The following MAP4K4 variants were observed in gnomAD, a reference collection of about 807,000 sequenced individuals.
MAP4K4 encodes HPK/GCK-like kinase HGK.
MAP4K4 carries 38 observed loss-of-function variants against 189.6 expected under a neutral mutation model. The observed-to-expected ratio is 0.20, with a 90% CI of 0.15 to 0.26. The LOEUF (loss-of-function observed/expected upper bound fraction) is 0.26, where lower values mean the gene tolerates loss of function less well. MAP4K4 is among the 10% of genes least tolerant of loss of function. The pLI, the probability that MAP4K4 is intolerant of heterozygous loss-of-function variation, is 1.00. For synonymous variants in MAP4K4, 610 were observed against 624.3 expected (o/e 0.98, Z 0.34); for missense variants, 1,054 against 1,726.9 (o/e 0.61, Z 6.91).
intron 28 of MAP4K4, among the ~76,000 whole-genome samples, chr2:101,884,515 G>A (rs2098453922): frequency 6.6e-6 from 1 of 152,174 alleles, no homozygotes; most frequent in Non-Finnish European, 1.5e-5. Flanking sequence ...ATCAAGTAGC[G>A]GTGTGATGTT....
intron 2 of MAP4K4, among the ~76,000 whole-genome samples, chr2:101,730,661 A>C (rs527932031): frequency 3.0e-4 from 46 of 152,328 alleles, no homozygotes; most frequent in African/African-American, 1.1e-3. Flanking sequence ...ACATGGCTTC[A>C]GTAGGGTTAA....
In MAP4K4 at chr2:101,871,526, TGA is replaced by T; in HGVS notation, c.2797_2798del (p.Ser933GlnfsTer50). On this transcript the variant is annotated frameshift_variant, in exon 24 of 33. Transcript: ENST00000324219. LOFTEE classifies it high-confidence loss of function. ...TTGACCAAAAGCGTGCCAGCCATCATGAGAGCAATGGCTTTGCCGGTCGCATT... is the reference window on the plus strand; with the variant it reads ...TTGACCAAAAGCGTGCCAGCCATCATGAGCAATGGCTTTGCCGGTCGCATT... 1.3e-6 allele frequency: 2 copies of T among 1,536,064 alleles called. No individual in the cohort carries two copies. Among genetic ancestry groups the T allele is most frequent in the South Asian group, 2.4e-5 (2 of 84,046 alleles).
intron 2 of MAP4K4, among the ~76,000 whole-genome samples, chr2:101,769,393 G>T (rs776289316): frequency 3.3e-5 from 5 of 152,076 alleles, no homozygotes; most frequent in Non-Finnish European, 5.9e-5. Context: ...GGATGGAAGT[G>T]GTCATAACAG....
At chr2:101,843,048 C>T (rs566695235) in intron 11 of MAP4K4, among the ~76,000 whole-genome samples, 2 of 152,292 alleles carry the variant, frequency 1.3e-5, no homozygotes, top group African/African-American at 4.8e-5. Flanking sequence ...AAAGAATTGT[C>T]CCGCCCATGG....
chr2:101,770,950 G>T (rs1185458087), intron 2 of MAP4K4, among the ~76,000 whole-genome samples: 2 of 152,220 alleles, frequency 1.3e-5, no homozygotes, highest in Non-Finnish European at 2.9e-5. Context: ...TCTACCAGCT[G>T]TGTAGGCTCT....
intron 3 of MAP4K4, among the ~76,000 whole-genome samples, chr2:101,805,603 A>G (rs1483182453): frequency 6.6e-6 from 1 of 152,236 alleles, no homozygotes; most frequent in Non-Finnish European, 1.5e-5. Context: ...GTGATGGATA[A>G]GAGATGCTGA....
At chr2:101,873,554 A>G (rs1033701459) in intron 24 of MAP4K4, 93 bp from the exon 25 acceptor site, 4 of 698,938 alleles carry the variant, frequency 5.7e-6, no homozygotes, top group Non-Finnish European at 9.9e-6. Context: ...GTATTGGGAA[A>G]TAGTGCAATA....
chr2:101,712,289 G>C (rs1237663815), intron 2 of MAP4K4, among the ~76,000 whole-genome samples: 2 of 151,940 alleles, frequency 1.3e-5, no homozygotes, highest in Non-Finnish European at 2.9e-5. Context: ...CTGCCTCCCG[G>C]GTTCAAGTGA....
intron 3 of MAP4K4, among the ~76,000 whole-genome samples, chr2:101,822,060 A>G (rs1253542108): frequency 5.9e-5 from 9 of 152,290 alleles, no homozygotes; most frequent in East Asian, 1.9e-4. Context: ...TATAATAACA[A>G]TGCCTTCTTA....
chr2:101,753,095 A>G (rs1288888544), intron 2 of MAP4K4, among the ~76,000 whole-genome samples: 2 of 152,176 alleles, frequency 1.3e-5, no homozygotes, highest in African/African-American at 4.8e-5. Flanking sequence ...ATCTCATTTA[A>G]TCTCTCAAAT....
At chr2:101,801,039 A>G (rs894898424) in intron 3 of MAP4K4, among the ~76,000 whole-genome samples, 1 of 152,056 alleles carries the variant, frequency 6.6e-6, no homozygotes, top group African/African-American at 2.4e-5. Flanking sequence ...TGTTTTTTTT[A>G]AAAAAATGGA....
chr2:101,845,202 GA>G lies in MAP4K4; in HGVS notation c.1233+893del, dbSNP rs767420737. Among the ~76,000 whole-genome samples the G allele has an allele frequency of 6.7e-4, 100 of 148,296 alleles. 1 individual carries two copies. The highest frequency in any genetic ancestry group is 7.3e-4 in the Non-Finnish European group (49 of 66,676). ...AAAAATAAAAATAAAAAAAAAAACC[GA>G]ACACACACGCACACACGGTAAGGGA... On this transcript the variant is annotated intron_variant, in intron 12 of 32. Coordinates refer to ENST00000324219, the Ensembl canonical transcript of MAP4K4.
intron 3 of MAP4K4, among the ~76,000 whole-genome samples, chr2:101,795,577 A>T (rs2148885397): frequency 6.6e-6 from 1 of 152,294 alleles, no homozygotes; most frequent in South Asian, 2.1e-4. Flanking sequence ...GTTTTCTGGA[A>T]CAAGTAGATA....
At chr2:101,842,715 T>C in intron 11 of MAP4K4, 34 bp downstream of exon 11, 1 of 1,542,988 alleles carries the variant, frequency 6.5e-7, no homozygotes, top group South Asian at 1.2e-5. Context: ...TATCCTGCTT[T>C]ATGAAGGGAT....
chr2:101,864,267 A>G (rs1386746909), intron 17 of MAP4K4, among the ~76,000 whole-genome samples: 1 of 152,208 alleles, frequency 6.6e-6, no homozygotes, highest in Non-Finnish European at 1.5e-5. Flanking sequence ...AACCCTAAAT[A>G]AGGTAGCAAA....
At chr2:101,808,188 C>T (rs2095134842) in intron 3 of MAP4K4, among the ~76,000 whole-genome samples, 1 of 152,190 alleles carries the variant, frequency 6.6e-6, no homozygotes. Context: ...CCTTACCTTG[C>T]TGGCAGAGCA....
intron 29 of MAP4K4, among the ~76,000 whole-genome samples, chr2:101,886,484 A>C (rs1315563049): frequency 1.3e-5 from 2 of 152,228 alleles, no homozygotes; most frequent in Non-Finnish European, 2.9e-5. Context: ...TAGCATTTTT[A>C]GGAAAGTCCT....
rs538812896 is a variant in MAP4K4, at chr2:101,726,333, C to T, written c.123+27795C>T. 5.3e-5 allele frequency among the ~76,000 whole-genome samples: 8 copies of T among 152,330 alleles called. No homozygotes were observed. In the South Asian group the frequency reaches 1.7e-3, roughly 32 times the overall value. On this transcript the variant is annotated intron_variant, in intron 2 of 32. Transcript: ENST00000324219. ...TGGATTTAAAAACTGATGTAAGCAT[C>T]ACTGTCCTCACAGGCTAAGTGGTCT...
intron 2 of MAP4K4, among the ~76,000 whole-genome samples, chr2:101,778,577 CA>C (rs888912701): frequency 5.9e-5 from 9 of 151,978 alleles, no homozygotes; most frequent in Non-Finnish European, 1.2e-4. Context: ...TGGACCAAGT[CA>C]GGGGTTGAGT....
Sources: allele counts gnomAD v4.1 joint callset (sites outside exome capture counted in the v4.1 genomes callset), GRCh38; gene constraint gnomAD v4.1.1; transcripts MANE v1.5; gene names NCBI Gene and HGNC (gene_info 2026-07-23, HGNC 2026-07-21).